MYO5B: variants seen among roughly 807,000 people sequenced by gnomAD.
The protein encoded by MYO5B is unconventional myosin-Vb.
Under a neutral mutation model 229.3 loss-of-function variants are expected in MYO5B, and 143 were observed. That is an observed-to-expected ratio of 0.62 (90% CI 0.54 to 0.72). The LOEUF (loss-of-function observed/expected upper bound fraction) is 0.72, where lower values mean the gene tolerates loss of function less well. Ranked by LOEUF, MYO5B falls within the 30% of genes least tolerant of loss-of-function variation. The pLI is 0.00. For synonymous variants in MYO5B, 918 were observed against 885.2 expected, an observed-to-expected ratio of 1.04 and a Z score of -0.66; for missense variants, 2,321 against 2,331.0, an observed-to-expected ratio of 1.00 and a Z score of 0.09.
intron 18 of MYO5B, among the ~76,000 whole-genome samples, chr18:49,907,590 A>G (rs942807410): frequency 2.0e-5 from 3 of 152,262 alleles, no homozygotes; most frequent in Non-Finnish European, 4.4e-5. Context: ...TGAGAAAGGA[A>G]GGAATGAGCC....
intron 22 of MYO5B, among the ~76,000 whole-genome samples, chr18:49,888,650 T>C (rs1474595096): frequency 1.3e-5 from 2 of 152,162 alleles, no homozygotes; most frequent in African/African-American, 4.8e-5. Context: ...TCCTTTGTCC[T>C]CAGGAAACAC....
chr18:50,072,658 GT>G (rs1568095532), intron 1 of MYO5B, among the ~76,000 whole-genome samples: 1 of 152,176 alleles, frequency 6.6e-6, no homozygotes, highest in Non-Finnish European at 1.5e-5. Context: ...GCATTCTAAG[GT>G]TTTTGCTAAC....
At chr18:50,067,602 A>G (rs2030853696) in intron 1 of MYO5B, among the ~76,000 whole-genome samples, 1 of 152,222 alleles carries the variant, frequency 6.6e-6, no homozygotes, top group African/African-American at 2.4e-5. Context: ...GGTGGAAGGC[A>G]GTGAGTTCTC....
chr18:49,842,422 T>C (rs1426334354), intron 34 of MYO5B, among the ~76,000 whole-genome samples: 1 of 152,234 alleles, frequency 6.6e-6, no homozygotes. Context: ...AACCAGCAGC[T>C]CAGTGGACTC....
chr18:50,061,381 T>C (rs912859188), intron 1 of MYO5B, among the ~76,000 whole-genome samples: 2 of 152,184 alleles, frequency 1.3e-5, no homozygotes, highest in African/African-American at 4.8e-5. Flanking sequence ...GATATTACTA[T>C]ACAGTTTTGT....
intron 34 of MYO5B, among the ~76,000 whole-genome samples, chr18:49,842,074 T>C (rs2024064500): frequency 7.1e-6 from 1 of 141,510 alleles, no homozygotes; most frequent in Non-Finnish European, 1.5e-5. Flanking sequence ...AATGACAGAG[T>C]GGTATGAGGT....
At chr18:50,187,731 A>AT (rs1244334684) in intron 1 of MYO5B, among the ~76,000 whole-genome samples, 2 of 152,120 alleles carry the variant, frequency 1.3e-5, no homozygotes, top group East Asian at 3.9e-4. Context: ...TGTCCAGGCT[A>AT]GTCTCGAACT....
chr18:49,889,524 C>T (rs1273021690), intron 22 of MYO5B, among the ~76,000 whole-genome samples: 1 of 152,180 alleles, frequency 6.6e-6, no homozygotes, highest in African/African-American at 2.4e-5. Flanking sequence ...CTGAATCAGT[C>T]AACTACTGGT....
intron 32 of MYO5B, among the ~76,000 whole-genome samples, chr18:49,848,570 G>A (rs908701213): frequency 1.3e-4 from 20 of 152,056 alleles, no homozygotes; most frequent in Non-Finnish European, 2.8e-4. Context: ...AGGCAATAAG[G>A]CAAAGGCAAA....
At chr18:49,936,409 A>T (rs1008504234) in intron 15 of MYO5B, 60 bp from the exon 16 acceptor site, 3 of 1,193,694 alleles carry the variant, frequency 2.5e-6, no homozygotes, top group East Asian at 5.1e-5. Flanking sequence ...TGTGATAAAG[A>T]AAAACTCATA....
At chr18:50,065,337 T>C (rs1042654335) in intron 1 of MYO5B, among the ~76,000 whole-genome samples, 5 of 152,182 alleles carry the variant, frequency 3.3e-5, no homozygotes, top group Non-Finnish European at 7.3e-5. Context: ...TTCACACTGC[T>C]ATAAAGAAAT....
At chr18:50,089,763 G>A (rs2031407170) in intron 1 of MYO5B, among the ~76,000 whole-genome samples, 2 of 152,170 alleles carry the variant, frequency 1.3e-5, no homozygotes, top group Admixed American at 6.5e-5. Context: ...CTTAGAGCCA[G>A]GTCGGCAACC....
rs762740043 is a variant in MYO5B at position 49,974,570 on chromosome 18, C to G, written c.1102G>C (p.Glu368Gln). 25 of 1,613,962 alleles carry G rather than the reference C, an allele frequency of 1.5e-5. No individual in the cohort carries two copies. The Admixed American group carries it at 3.0e-4, about 19-fold the overall frequency. ...LSNFCRLLGV[E>Q]HSQMEHWLCH... ...AGCCAGTGCTCCATCTGACTGTGCT[C>G]CACCCCTAGCAGTCGGCAGAAGTTG... is the stretch of plus-strand genomic sequence containing the variant. The change falls in exon 10 of 40, where the codon GAG becomes CAG. Residue 368 changes from glutamate (E) to glutamine (Q), a missense_variant. Physicochemically the swap from Glu to Gln is conservative, Grantham distance 29 (BLOSUM62 2). This residue lies in a region of MYO5B where 2,113 missense variants were observed against 2,044.7 expected (regional missense o/e 1.03). Coordinates refer to ENST00000285039, the MANE Select transcript of MYO5B (RefSeq NM_001080467.3).
intron 1 of MYO5B, among the ~76,000 whole-genome samples, chr18:50,160,050 G>C (rs993246348): frequency 7.2e-5 from 11 of 152,216 alleles, no homozygotes; most frequent in African/African-American, 2.7e-4. Context: ...GGTGCAAATG[G>C]CTCCCCTCTG....
At chr18:50,190,095 T>C (rs190188250) in intron 1 of MYO5B, among the ~76,000 whole-genome samples, 3 of 152,338 alleles carry the variant, frequency 2.0e-5, no homozygotes, top group Admixed American at 6.5e-5. Flanking sequence ...TGATTTCTCA[T>C]TCACTCTGCT....
chr18:49,831,806 G>A (rs2023926406), intron 39 of MYO5B, among the ~76,000 whole-genome samples: 1 of 152,150 alleles, frequency 6.6e-6, no homozygotes, highest in Admixed American at 6.5e-5. Context: ...GTGCAACAAT[G>A]TTCATAGCGG....
chr18:50,160,893 C>T (rs987760518), intron 1 of MYO5B, among the ~76,000 whole-genome samples: 2 of 152,180 alleles, frequency 1.3e-5, no homozygotes, highest in African/African-American at 4.8e-5. Flanking sequence ...CAGCCACCAG[C>T]AGCCCATTCT....
intron 14 of MYO5B, among the ~76,000 whole-genome samples, chr18:49,939,206 C>T (rs1356940933): frequency 1.5e-5 from 2 of 136,792 alleles, no homozygotes; most frequent in Non-Finnish European, 3.0e-5. Flanking sequence ...AGTGCAGTGG[C>T]GCAATCTCAA....
intron 25 of MYO5B, among the ~76,000 whole-genome samples, chr18:49,877,293 C>T (rs1231550060): frequency 6.6e-6 from 1 of 152,208 alleles, no homozygotes; most frequent in Non-Finnish European, 1.5e-5. Flanking sequence ...TACAGTCACC[C>T]AGCATACTTT....
Sources: gnomAD v4.1 joint callset for allele counts (sites outside exome capture counted in the v4.1 genomes callset) on GRCh38, gnomAD v4.1.1 for gene constraint, gnomAD v4.1.1 regional missense constraint, MANE v1.5 for transcripts, NCBI Gene and HGNC (gene_info 2026-07-23, HGNC 2026-07-21) for gene names.